Variants in TP63 observed in about 807,000 individuals in gnomAD.
TP63 encodes tumor protein p63, also known as tumor protein 63.
Under a neutral mutation model 82.8 loss-of-function variants are expected in TP63, and 17 were observed. That is an observed-to-expected ratio of 0.21 (90% CI 0.14 to 0.31). The LOEUF (loss-of-function observed/expected upper bound fraction) is 0.31. Among genes scored for constraint, TP63 ranks in the 10% least tolerant of loss-of-function variants. TP63 has a pLI of 1.00. For synonymous variants in TP63, 330 were observed against 321.7 expected, an observed-to-expected ratio of 1.03 and a Z score of -0.28; for missense variants, 648 against 895.3, an observed-to-expected ratio of 0.72 and a Z score of 3.52.
chr3:189,701,754 TAAG>T (rs1213418081), intron 1 of TP63, among the ~76,000 whole-genome samples: 2 of 151,922 alleles, frequency 1.3e-5, no homozygotes, highest in African/African-American at 4.8e-5. Flanking sequence ...ATTTACTAGA[TAAG>T]TGACCTGGGA....
At chr3:189,635,902 AT>A (rs1419941754) in intron 1 of TP63, among the ~76,000 whole-genome samples, 1 of 152,118 alleles carries the variant, frequency 6.6e-6, no homozygotes, top group Admixed American at 6.6e-5. Context: ...TAATAATATA[AT>A]TTTTGATATG....
intron 3 of TP63, among the ~76,000 whole-genome samples, chr3:189,748,058 G>T (rs1721511309): frequency 6.6e-6 from 1 of 151,918 alleles, no homozygotes; most frequent in Non-Finnish European, 1.5e-5. Context: ...TCTACATAAT[G>T]ATGGCTATAT....
At chr3:189,666,085 A>G (rs1369762594) in intron 1 of TP63, among the ~76,000 whole-genome samples, 26 of 152,206 alleles carry the variant, frequency 1.7e-4, no homozygotes, top group Admixed American at 1.6e-3. Context: ...CCAGTTATTC[A>G]AATACTTACT....
At chr3:189,753,190 T>G (rs2108525311) in intron 3 of TP63, among the ~76,000 whole-genome samples, 1 of 152,208 alleles carries the variant, frequency 6.6e-6, no homozygotes, top group East Asian at 1.9e-4. Flanking sequence ...TTCTTTTATA[T>G]CCATTCTGAT....
chr3:189,794,176 A>T (rs1224680979), intron 3 of TP63, among the ~76,000 whole-genome samples: 1 of 152,054 alleles, frequency 6.6e-6, no homozygotes, highest in Non-Finnish European at 1.5e-5. Flanking sequence ...AAAGAGAAAC[A>T]GGTTAGAAGA....
chr3:189,773,162 C>T (rs1723501851), intron 3 of TP63, among the ~76,000 whole-genome samples: 1 of 152,194 alleles, frequency 6.6e-6, no homozygotes, highest in Non-Finnish European at 1.5e-5. Context: ...GTTTTGTATG[C>T]ACTTTCTCCT....
chr3:189,849,487 A>G (rs1715353388), intron 4 of TP63, among the ~76,000 whole-genome samples: 1 of 152,052 alleles, frequency 6.6e-6, no homozygotes, highest in Non-Finnish European at 1.5e-5. Context: ...AAAAACTCCC[A>G]CACATTTGGC....
intron 10 of TP63, 182 bp downstream of exon 10, chr3:189,873,177 C>T: frequency 2.5e-6 from 2 of 802,070 alleles, no homozygotes; most frequent in South Asian, 1.6e-5. Context: ...CTTATTATAA[C>T]CTTCCCTTCA....
chr3:189,806,657 A>G (rs1159152684), intron 3 of TP63, among the ~76,000 whole-genome samples: 1 of 152,322 alleles, frequency 6.6e-6, no homozygotes, highest in South Asian at 2.1e-4. Context: ...GATAGCAGCT[A>G]TAGAAGTCAG....
chr3:189,681,785 A>G (rs1715926486), intron 1 of TP63, among the ~76,000 whole-genome samples: 1 of 152,112 alleles, frequency 6.6e-6, no homozygotes. Flanking sequence ...TTCTCTCCTC[A>G]GGTCCCTCCT....
At chr3:189,710,656 G>A (rs533826689) in intron 1 of TP63, among the ~76,000 whole-genome samples, 1 of 152,200 alleles carries the variant, frequency 6.6e-6, no homozygotes, top group South Asian at 2.1e-4. Flanking sequence ...TCTCTACATA[G>A]TTATTTATGT....
chr3:189,827,748 C>A (rs1711629562), intron 4 of TP63, among the ~76,000 whole-genome samples: 1 of 152,174 alleles, frequency 6.6e-6, no homozygotes, highest in South Asian at 2.1e-4. Context: ...GAGAAGTCCA[C>A]AGAGCCAGAT....
intron 4 of TP63, among the ~76,000 whole-genome samples, chr3:189,813,087 A>G (rs990217005): frequency 6.6e-6 from 1 of 152,088 alleles, no homozygotes; most frequent in African/African-American, 2.4e-5. Flanking sequence ...CCCTTTCCAG[A>G]TTTAAGAACC....
chr3:189,881,504 G>A lies in TP63; in HGVS notation c.1350-4890G>A, dbSNP rs1046190353. On this transcript the variant is annotated intron_variant, in intron 10 of 13. Transcript: ENST00000264731. ...CTTTTGCATCTTGGTTTATCTTGCA[G>A]TTTTTTTGTTTCTGTCTCTCTCACT... 1.0e-5 allele frequency: 10 copies of A among 985,084 alleles called. No individual in the cohort carries two copies. The South Asian group carries it at 2.8e-4, about 28-fold the overall frequency. 61.0% of individuals were successfully genotyped at this position (985,084 alleles called of 1,614,324 possible). A position where few individuals can be genotyped will look rare whatever the true frequency, so the allele number is the denominator to read the frequency against.
chr3:189,880,925 C>T (rs1719842375), intron 10 of TP63: 1 of 985,370 alleles, frequency 1.0e-6, no homozygotes, highest in Non-Finnish European at 1.2e-6. Context: ...CCCTGGAAGA[C>T]CTACTACAAA....
intron 13 of TP63, among the ~76,000 whole-genome samples, 160 bp downstream of exon 13, chr3:189,891,042 C>A (rs1720965337): frequency 6.6e-6 from 1 of 152,200 alleles, no homozygotes; most frequent in South Asian, 2.1e-4. Context: ...GAAAGATTCC[C>A]AGGCCTCAAC....
chr3:189,620,384 A>G, the TP63 span, among the ~76,000 whole-genome samples: 1 of 151,748 alleles, frequency 6.6e-6, no homozygotes, highest in Non-Finnish European at 1.5e-5. Flanking sequence ...TTAGCTGAGC[A>G]TGGTAGTCCC....
chr3:189,681,053 AG>A (rs1715863341), intron 1 of TP63, among the ~76,000 whole-genome samples: 1 of 152,194 alleles, frequency 6.6e-6, no homozygotes, highest in African/African-American at 2.4e-5. Context: ...GGCACTGCTT[AG>A]GTGTGAGGAA....
At chr3:189,751,492 A>G (rs1032530752) in intron 3 of TP63, among the ~76,000 whole-genome samples, 6 of 152,074 alleles carry the variant, frequency 3.9e-5, no homozygotes, top group Non-Finnish European at 8.8e-5. Flanking sequence ...TTGTTTCCTG[A>G]CTTTTTAATG....
Sources: allele counts gnomAD v4.1 joint callset (sites outside exome capture counted in the v4.1 genomes callset), GRCh38; gene constraint gnomAD v4.1.1; transcripts MANE v1.5; gene names NCBI Gene and HGNC (gene_info 2026-07-23, HGNC 2026-07-21).